TAFA4: variants seen among roughly 807,000 people sequenced by gnomAD.
TAFA4 encodes chemokine-like protein TAFA-4.
TAFA4 carries 20 observed loss-of-function variants against 21.1 expected under a neutral mutation model. The ratio of observed to expected loss-of-function variants is 0.95; its 90% CI spans 0.67 to 1.38. The LOEUF is 1.38. Among genes scored for constraint, TAFA4 ranks in the 40% most tolerant of loss-of-function variants. The probability of loss-of-function intolerance (pLI) is 0.00; values close to 1 mark genes in which losing one functional copy is unlikely to be tolerated. For missense variants in TAFA4, 211 were observed against 180.9 expected, an observed-to-expected ratio of 1.17 and a Z score of -0.95; for synonymous variants, 71 against 67.4, an observed-to-expected ratio of 1.05 and a Z score of -0.26.
At chr3:68,787,268 G>T (rs528626302) in intron 3 of TAFA4, among the ~76,000 whole-genome samples, 2 of 152,210 alleles carry the variant, frequency 1.3e-5, no homozygotes, top group African/African-American at 4.8e-5. Flanking sequence ...GACTGAAATT[G>T]CAACAAACTA....
At chr3:68,759,599 G>A (rs1702723759) in intron 3 of TAFA4, among the ~76,000 whole-genome samples, 1 of 152,116 alleles carries the variant, frequency 6.6e-6, no homozygotes, top group Non-Finnish European at 1.5e-5. Flanking sequence ...AAACAGCAGG[G>A]GAACATAATG....
chr3:68,853,480 A>C (rs1166126837), intron 3 of TAFA4, among the ~76,000 whole-genome samples: 1 of 152,036 alleles, frequency 6.6e-6, no homozygotes, highest in Non-Finnish European at 1.5e-5. Context: ...AACCCAGGCA[A>C]GTCCCATGTC....
intron 3 of TAFA4, among the ~76,000 whole-genome samples, chr3:68,805,651 T>C (rs1203341334): frequency 2.0e-5 from 3 of 152,180 alleles, no homozygotes; most frequent in African/African-American, 7.2e-5. Context: ...TCCTGTCCTT[T>C]ATAGGGACAT....
At chr3:68,853,811 C>T (rs1017153431) in intron 3 of TAFA4, among the ~76,000 whole-genome samples, 5 of 152,098 alleles carry the variant, frequency 3.3e-5, no homozygotes, top group African/African-American at 1.2e-4. Flanking sequence ...GCTAGCTGTT[C>T]AACTGCTGTG....
At chr3:68,803,797 C>CTTTTTTTTTTTTTTTTT (rs386396961) in intron 3 of TAFA4, among the ~76,000 whole-genome samples, 4 of 81,612 alleles carry the variant, frequency 4.9e-5, no homozygotes, top group Admixed American at 1.8e-4. Context: ...ATCTCTGATT[C>CTTTTTTTTTTTTTTTTT]TTTTTTTTTT....
At chr3:68,815,103 C>T (rs560456836) in intron 3 of TAFA4, among the ~76,000 whole-genome samples, 1 of 152,178 alleles carries the variant, frequency 6.6e-6, no homozygotes, top group Middle Eastern at 3.2e-3. Flanking sequence ...GGAAACCTGG[C>T]TAGCCATATG....
intron 3 of TAFA4, among the ~76,000 whole-genome samples, chr3:68,806,631 T>A (rs909668920): frequency 1.3e-5 from 2 of 152,164 alleles, no homozygotes; most frequent in Non-Finnish European, 2.9e-5. Context: ...GTTGAAACCC[T>A]AGCCCCTGCA....
intron 5 of TAFA4, among the ~76,000 whole-genome samples, chr3:68,733,793 A>T (rs1039824979): frequency 1.3e-5 from 2 of 152,202 alleles, no homozygotes; most frequent in East Asian, 3.8e-4. Context: ...ATATTTTTTC[A>T]AAGCAAATTA....
chr3:68,887,760 G>C (rs760513495), intron 1 of TAFA4, among the ~76,000 whole-genome samples: 12 of 152,108 alleles, frequency 7.9e-5, no homozygotes, highest in Non-Finnish European at 1.3e-4. Flanking sequence ...GGCATTGAAT[G>C]CTGAGGTCCC....
intron 4 of TAFA4, among the ~76,000 whole-genome samples, chr3:68,740,734 A>G (rs1265453393): frequency 6.6e-6 from 1 of 152,156 alleles, no homozygotes; most frequent in Non-Finnish European, 1.5e-5. Flanking sequence ...GATCAATATC[A>G]AGGACCTTTT....
At chr3:68,930,017 T>G (rs2090144503) in intron 1 of TAFA4, among the ~76,000 whole-genome samples, 1 of 152,144 alleles carries the variant, frequency 6.6e-6, no homozygotes, top group South Asian at 2.1e-4. Context: ...GCCATTTACA[T>G]AGCAAAGTAT....
intron 3 of TAFA4, among the ~76,000 whole-genome samples, chr3:68,803,073 A>T (rs1302967588): frequency 6.6e-6 from 1 of 152,126 alleles, no homozygotes; most frequent in Non-Finnish European, 1.5e-5. Flanking sequence ...ATCCAAAATG[A>T]TCTCTACTGA....
chr3:68,773,886 T>C lies in TAFA4; in HGVS notation c.131-20868A>G, dbSNP rs117805606. On this transcript the variant is annotated intron_variant, in intron 3 of 5. Transcript: ENST00000295569. ...GATGAAAACAGCAATAAAAAAAACT[T>C]ATAGCAAGCGTGAGACTTACTCAAG... 1.7e-3 allele frequency among the ~76,000 whole-genome samples: 262 copies of C among 152,132 alleles called. 4 individuals carry two copies. In the East Asian group the frequency reaches 0.046, roughly 26 times the overall value.
chr3:68,916,381 A>G (rs1423514435), intron 1 of TAFA4, among the ~76,000 whole-genome samples: 1 of 152,166 alleles, frequency 6.6e-6, no homozygotes, highest in Non-Finnish European at 1.5e-5. Context: ...GATCCTTCCC[A>G]GAAATGGCCC....
chr3:68,748,476 C>T (rs1208300144), intron 4 of TAFA4, among the ~76,000 whole-genome samples: 8 of 152,214 alleles, frequency 5.3e-5, no homozygotes, highest in African/African-American at 1.9e-4. Flanking sequence ...GGTGCGGTGG[C>T]TCATGCCTGT....
At chr3:68,733,327 A>AGAAAT (rs1445388818) in intron 5 of TAFA4, among the ~76,000 whole-genome samples, 174 bp from the exon 6 acceptor site, 1 of 152,168 alleles carries the variant, frequency 6.6e-6, no homozygotes, top group Non-Finnish European at 1.5e-5. Context: ...CCTAAAAGCA[A>AGAAAT]GAAATATAAA....
chr3:68,742,072 ATAAATGTGATACACCACAT>A (rs1250544355), intron 4 of TAFA4, among the ~76,000 whole-genome samples: 2 of 152,234 alleles, frequency 1.3e-5, no homozygotes, highest in African/African-American at 4.8e-5. Context: ...TGCTTAATCA[ATAAATGTGATACACCACAT>A]TAACAGAATG....
intron 3 of TAFA4, among the ~76,000 whole-genome samples, chr3:68,831,596 C>G (rs1704395396): frequency 6.6e-6 from 1 of 152,152 alleles, no homozygotes; most frequent in African/African-American, 2.4e-5. Flanking sequence ...CCCGACCTTT[C>G]TCTCTGGCTG....
intron 1 of TAFA4, among the ~76,000 whole-genome samples, chr3:68,913,406 C>T (rs1284505831): frequency 6.6e-6 from 1 of 151,984 alleles, no homozygotes; most frequent in Non-Finnish European, 1.5e-5. Flanking sequence ...GGTGGCTGGG[C>T]GGAGTTGCAA....
Sources: gnomAD v4.1 joint callset for allele counts (sites outside exome capture counted in the v4.1 genomes callset) on GRCh38, gnomAD v4.1.1 for gene constraint, MANE v1.5 for transcripts, NCBI Gene and HGNC (gene_info 2026-07-23, HGNC 2026-07-21) for gene names.